Variants in KCNA3 observed in about 807,000 individuals in gnomAD.
The protein encoded by KCNA3 is RP11-284N8.3.
Under a neutral mutation model 34.3 loss-of-function variants are expected in KCNA3, and 18 were observed. That is an observed-to-expected ratio of 0.52 (90% CI 0.36 to 0.78). The LOEUF (loss-of-function observed/expected upper bound fraction) is 0.78, where lower values mean the gene tolerates loss of function less well. Among genes scored for constraint, KCNA3 ranks in the 30% least tolerant of loss-of-function variants. The pLI, the probability that KCNA3 is intolerant of heterozygous loss-of-function variation, is 0.00. For synonymous variants in KCNA3, 324 were observed against 351.7 expected (o/e 0.92, Z 0.88); for missense variants, 587 against 802.5 (o/e 0.73, Z 3.24).
At chr1:110,656,970 T>G in the KCNA3 span, 1 of 152,166 alleles carries the variant, frequency 6.6e-6, no homozygotes, top group Non-Finnish European at 1.5e-5. Flanking sequence ...GAATGATATA[T>G]TTATGATACT....
chr1:110,664,990 AGGT>A, the KCNA3 span, among the ~76,000 whole-genome samples: 1 of 152,330 alleles, frequency 6.6e-6, no homozygotes, highest in African/African-American at 2.4e-5. Context: ...AAGAAGATCA[AGGT>A]GGCCAGTGTG....
chr1:110,666,665 A>C, the KCNA3 span, among the ~76,000 whole-genome samples: 1 of 152,192 alleles, frequency 6.6e-6, no homozygotes. Flanking sequence ...CAGACTGGCC[A>C]CAAGAAATGT....
rs1651935657 is a variant in KCNA3, at chr1:110,672,843, CAATGTTA to C, written c.*232_*238del. ...AAGTTTAACGTAAGTCTGTTGTTTACAATGTTAAGAGAGAGAGGGTAAGAGGGAAAAG... is the reference window on the plus strand; with the variant it reads ...AAGTTTAACGTAAGTCTGTTGTTTACAGAGAGAGAGGGTAAGAGGGAAAAG... On this transcript the variant is annotated 3_prime_UTR_variant, in exon 1 of 1. Coordinates refer to ENST00000369769, the MANE Select transcript of KCNA3 (RefSeq NM_002232.5). 4.3e-6 allele frequency: 2 copies of C among 469,980 alleles called. No individual in the cohort carries two copies. The highest frequency in any genetic ancestry group is 7.5e-6 in the Non-Finnish European group (2 of 266,544). The allele number at this position is 469,980 out of a possible 1,614,324, so 29.1% of individuals were successfully genotyped here.
Position 110,674,920 on chromosome 1 carries a change from C to G in KCNA3, c.-111G>C. The G allele has an allele frequency of 4.8e-6, 6 of 1,244,844 alleles. No individual in the cohort carries two copies. In the South Asian group the frequency reaches 1.5e-4, roughly 32 times the overall value. The allele number at this position is 1,244,844 out of a possible 1,614,324, so 77.1% of individuals were successfully genotyped here. Reference sequence around the variant, plus strand: ...GCCCACCGCCTGTTGCAGCCAAAGCCGCGATGCTCTGTCTGGGTCTGGCGC... The same window carrying G: ...GCCCACCGCCTGTTGCAGCCAAAGCGGCGATGCTCTGTCTGGGTCTGGCGC... On this transcript the variant is annotated 5_prime_UTR_variant, in exon 1 of 1. Coordinates refer to ENST00000369769, the MANE Select transcript of KCNA3 (RefSeq NM_002232.5). This position sits in a 1 kb window ranked among gnomAD's most constrained non-coding sequence, Gnocchi z 6.4.
chr1:110,674,785 G>C lies in KCNA3; in HGVS notation c.25C>G (p.Arg9Gly). The C allele has an allele frequency of 7.5e-7, 1 of 1,337,366 alleles. No homozygotes were observed. 82.8% of individuals were successfully genotyped at this position (1,337,366 alleles called of 1,614,324 possible). A position where few individuals can be genotyped will look rare whatever the true frequency, so the allele number is the denominator to read the frequency against. The change falls in exon 1 of 1, where the codon CGC becomes GGC. Residue 9 changes from arginine to glycine, a missense_variant. Physicochemically the swap from Arg to Gly is moderately radical, Grantham distance 125. Around this residue, in one of 7 missense-constraint regions of KCNA3, gnomAD observed 341 missense variants for 355.4 expected, o/e 0.96. Coordinates refer to ENST00000369769, the MANE Select transcript of KCNA3 (RefSeq NM_002232.5). The surrounding 1 kb of genome is among the most constrained non-coding windows in gnomAD (Gnocchi z 6.4). Reference protein sequence around the residue: MDERLSLLRSPPPPSARHR... With the variant: MDERLSLLGSPPPPSARHR... ...CGGGCTGAGGGCGGCGGCGGCGAGC[G>C]CAGAAGGCTGAGGCGCTCGTCCATG... is the stretch of plus-strand genomic sequence containing the variant.
Position 110,673,960 on chromosome 1 carries a change from A to T in KCNA3, c.850T>A (p.Ser284Thr). The T allele has an allele frequency of 6.2e-7, 1 of 1,613,700 alleles. No homozygotes were observed. The highest frequency in any genetic ancestry group is 1.1e-5 in the South Asian group (1 of 91,050). ...GAGAAGCTGGAGGCTCCTGCGCGGGACCCCGACGTGCTGTTGCCGGCTGCT... is the reference window on the plus strand; with the variant it reads ...GAGAAGCTGGAGGCTCCTGCGCGGGTCCCCGACGTGCTGTTGCCGGCTGCT... ...FEAAGNSTSG[S>T]RAGASSFSDP... Residue 284 changes from serine (S) to threonine (T), a missense_variant, in exon 1 of 1, where the codon TCC becomes ACC. Around this residue, in one of 7 missense-constraint regions of KCNA3, gnomAD observed 50 missense variants for 45.3 expected, o/e 1.10. Transcript: ENST00000369769. The surrounding 1 kb of genome is among the most constrained non-coding windows in gnomAD (Gnocchi z 8.8).
the KCNA3 span, chr1:110,656,400 C>T: frequency 3.3e-5 from 5 of 152,094 alleles, 1 homozygote; most frequent in Middle Eastern, 6.8e-3. Flanking sequence ...AATCTGTTCA[C>T]TCAAGTAGAA....
Position 110,674,170 on chromosome 1 carries a change from G to A in KCNA3, c.640C>T (p.Arg214Cys), listed in dbSNP as rs145190352. 1.8e-3 allele frequency: 2,842 copies of A among 1,612,146 alleles called. 6 individuals carry two copies. The highest frequency in any genetic ancestry group is 2.2e-3 in the Non-Finnish European group (2,619 of 1,178,866). Residue 214 changes from arginine (R) to cysteine (C), a missense_variant, in exon 1 of 1, where the codon CGC becomes TGC. Coordinates refer to ENST00000369769, the MANE Select transcript of KCNA3 (RefSeq NM_002232.5). This position sits in a 1 kb window ranked among gnomAD's most constrained non-coding sequence, Gnocchi z 6.4. ...AGCCACACCTGGCGCTGGAAGTCGC[G>A]GCGGGGCAAGGGCCGCTCCTCCTCC... ...LREEERPLPR[R>C]DFQRQVWLLF...
chr1:110,674,847 C>T lies in KCNA3; in HGVS notation c.-38G>A. The T allele has an allele frequency of 2.3e-6, 3 of 1,285,538 alleles. No homozygotes were observed. Among genetic ancestry groups the T allele is most frequent in the Non-Finnish European group, 2.9e-6 (3 of 1,019,872 alleles). 79.6% of individuals were successfully genotyped at this position (1,285,538 alleles called of 1,614,324 possible). On this transcript the variant is annotated 5_prime_UTR_variant, in exon 1 of 1. Coordinates refer to ENST00000369769, the MANE Select transcript of KCNA3 (RefSeq NM_002232.5). The surrounding 1 kb of genome is among the most constrained non-coding windows in gnomAD (Gnocchi z 6.4). ...AGGCGGCAGCGGTGAGGCCAGGTCG[C>T]TCCTCCTCGCGCTCCCCGCCCTTTC...
chr1:110,674,012 G>C lies in KCNA3; in HGVS notation c.798C>G (p.Pro266=). 1 of 1,611,332 alleles carries C rather than the reference G, an allele frequency of 6.2e-7. No individual in the cohort carries two copies. Among genetic ancestry groups the C allele is most frequent in the Non-Finnish European group, 8.5e-7 (1 of 1,178,164 alleles). The change falls in exon 1 of 1, where the codon CCC becomes CCG. Residue 266 remains proline (P), a synonymous_variant. Transcript: ENST00000369769. The surrounding 1 kb of genome is among the most constrained non-coding windows in gnomAD (Gnocchi z 6.4). The part of the protein sequence containing the change: ...LPEFRDEKDY[P]ASTSQDSFEA... ...CGAATGAGTCCTGCGACGTCGAGGC[G>C]GGGTAGTCCTTCTCGTCGCGGAACT...
chr1:110,666,793 A>G, the KCNA3 span, among the ~76,000 whole-genome samples: 1 of 152,190 alleles, frequency 6.6e-6, no homozygotes, highest in East Asian at 1.9e-4. Context: ...TTGGGAGGCT[A>G]AATGACAAAA....
chr1:110,670,894 A>G (rs1428964243), downstream of KCNA3, among the ~76,000 whole-genome samples: 12 of 152,006 alleles, frequency 7.9e-5, no homozygotes, highest in Non-Finnish European at 4.4e-5. Flanking sequence ...AAAATACTTC[A>G]TGGGCTTTAA....
chr1:110,656,936 T>G, the KCNA3 span: 1 of 152,174 alleles, frequency 6.6e-6, no homozygotes, highest in Non-Finnish European at 1.5e-5. Flanking sequence ...GAATCCTATT[T>G]CCTTTCATCA....
At chr1:110,662,888 G>A in the KCNA3 span, among the ~76,000 whole-genome samples, 1 of 152,070 alleles carries the variant, frequency 6.6e-6, no homozygotes, top group African/African-American at 2.4e-5. Flanking sequence ...AAGATCTACA[G>A]ACTCTAGGTA....
chr1:110,664,744 T>A, the KCNA3 span, among the ~76,000 whole-genome samples: 1 of 151,790 alleles, frequency 6.6e-6, no homozygotes, highest in African/African-American at 2.4e-5. Flanking sequence ...AAACATACAA[T>A]AAACAAAATA....
At chr1:110,665,161 T>C in the KCNA3 span, among the ~76,000 whole-genome samples, 11 of 152,326 alleles carry the variant, frequency 7.2e-5, no homozygotes, top group East Asian at 1.5e-3. Flanking sequence ...CACAAAGATG[T>C]AATATAACTT....
chr1:110,659,322 A>T, the KCNA3 span, among the ~76,000 whole-genome samples: 2 of 152,250 alleles, frequency 1.3e-5, no homozygotes, highest in Non-Finnish European at 2.9e-5. Context: ...TATTTTTAGC[A>T]TTCTTCATCT....
chr1:110,666,967 T>C, the KCNA3 span, among the ~76,000 whole-genome samples: 1 of 152,168 alleles, frequency 6.6e-6, no homozygotes, highest in Admixed American at 6.5e-5. Context: ...AACCAATATT[T>C]TGGAAATTCA....
In KCNA3 at chr1:110,674,003, C is replaced by G. The variant is rs562236416; in HGVS notation, c.807G>C (p.Thr269=). ...FRDEKDYPAS[T]SQDSFEAAGN... ...CGGCTGCTTCGAATGAGTCCTGCGA[C>G]GTCGAGGCGGGGTAGTCCTTCTCGT... Residue 269 remains threonine (T), a synonymous_variant, in exon 1 of 1, where the codon ACG becomes ACC. Transcript: ENST00000369769. The surrounding 1 kb of genome is among the most constrained non-coding windows in gnomAD (Gnocchi z 6.4). 2.5e-6 allele frequency: 4 copies of G among 1,613,224 alleles called. No homozygotes were observed. In the Admixed American group the frequency reaches 6.7e-5, roughly 27 times the overall value.
Sources: gnomAD v4.1 joint callset for allele counts (sites outside exome capture counted in the v4.1 genomes callset) on GRCh38, gnomAD v4.1.1 for gene constraint, gnomAD v4.1.1 regional missense constraint, Gnocchi (gnomAD v3.1) non-coding constraint, MANE v1.5 for transcripts, NCBI Gene and HGNC (gene_info 2026-07-23, HGNC 2026-07-21) for gene names.